Variants in NDUFAF4 observed in about 807,000 individuals in gnomAD.
The protein encoded by NDUFAF4 is NADH dehydrogenase [ubiquinone] 1 alpha subcomplex assembly factor 4.
NDUFAF4 carries 10 observed loss-of-function variants against 15.6 expected under a neutral mutation model. That is an observed-to-expected ratio of 0.64 (90% confidence interval 0.40 to 1.09). The LOEUF (loss-of-function observed/expected upper bound fraction) is 1.09, where lower values mean the gene tolerates loss of function less well. Among genes scored for constraint, NDUFAF4 ranks in the 50% least tolerant of loss-of-function variants. The pLI, the probability that NDUFAF4 is intolerant of heterozygous loss-of-function variation, is 0.01. For missense variants in NDUFAF4, 203 were observed against 207.3 expected, an observed-to-expected ratio of 0.98 and a Z score of 0.13; for synonymous variants, 77 against 73.3, an observed-to-expected ratio of 1.05 and a Z score of -0.26.
At position 96,889,565 on chromosome 6, in the gene NDUFAF4, T is replaced by C. The variant is rs1775286930; in HGVS notation, c.*1539A>G. On this transcript the variant is annotated 3_prime_UTR_variant, in exon 3 of 3. Coordinates refer to ENST00000316149, the MANE Select transcript of NDUFAF4 (RefSeq NM_014165.4). ...ATTGAACTAAAAATAAACTAGGTAG[T>C]TTGTTCACATAACAAATCTACATTC... 6.6e-6 allele frequency: 1 copy of C among 152,532 alleles called. No homozygotes were observed. Among genetic ancestry groups the C allele is most frequent in the South Asian group, 2.1e-4 (1 of 4,826 alleles). The allele number at this position is 152,532 out of a possible 1,614,324, so 9.4% of individuals were successfully genotyped here.
intron 1 of NDUFAF4, 165 bp from the exon 2 acceptor site, chr6:96,897,012 C>G: frequency 1.7e-6 from 1 of 585,718 alleles, no homozygotes; most frequent in South Asian, 1.8e-5. Flanking sequence ...CTGCAACCTC[C>G]GCCTCCCGGG....
In NDUFAF4 at chr6:96,890,127, T is replaced by C. The variant is rs1398267325; in HGVS notation, c.*977A>G. The C allele has an allele frequency of 6.6e-6, 1 of 152,130 alleles. No individual in the cohort carries two copies. Among genetic ancestry groups the C allele is most frequent in the Non-Finnish European group, 1.5e-5 (1 of 68,006 alleles). The allele number at this position is 152,130 out of a possible 1,614,324, so 9.4% of individuals were successfully genotyped here. On this transcript the variant is annotated 3_prime_UTR_variant, in exon 3 of 3. Transcript: ENST00000316149. Reference sequence around the variant, plus strand: ...ACACACTCACTCAAGATCCTAGTACTGGTACATGCTATGCTAATTAAATTT... The same window carrying C: ...ACACACTCACTCAAGATCCTAGTACCGGTACATGCTATGCTAATTAAATTT...
At position 96,890,609 on chromosome 6, in the gene NDUFAF4, G is replaced by A. The variant is rs1258061648; in HGVS notation, c.*495C>T. 6.5e-6 allele frequency: 1 copy of A among 153,840 alleles called. No individual in the cohort carries two copies. The highest frequency in any genetic ancestry group is 1.4e-5 in the Non-Finnish European group (1 of 69,280). 9.5% of individuals were successfully genotyped at this position (153,840 alleles called of 1,614,324 possible). On this transcript the variant is annotated 3_prime_UTR_variant, in exon 3 of 3. Coordinates refer to ENST00000316149, the MANE Select transcript of NDUFAF4 (RefSeq NM_014165.4). ...AGATTCTATTGATTCATTTTCTCCT[G>A]TGTGCCTTTATTTGGGAACTACTGT...
rs770355483 is a variant in NDUFAF4 at position 96,891,410 on chromosome 6, G to A, written c.241-19C>T. ...CTTTTACCTAGTATCAAAAAAAAAA[G>A]GTTTTAGGATGAGAGAAAAGATTTG... On this transcript the variant is annotated intron_variant, in intron 2 of 2. Coordinates refer to ENST00000316149, the MANE Select transcript of NDUFAF4 (RefSeq NM_014165.4). 4.8e-6 allele frequency: 6 copies of A among 1,254,550 alleles called. No homozygotes were observed. In the South Asian group the frequency reaches 6.3e-5, roughly 13 times the overall value. The allele number at this position is 1,254,550 out of a possible 1,614,324, so 77.7% of individuals were successfully genotyped here.
At chr6:96,893,092 C>T (rs1030861606) in intron 2 of NDUFAF4, among the ~76,000 whole-genome samples, 5 of 152,054 alleles carry the variant, frequency 3.3e-5, no homozygotes, top group African/African-American at 1.2e-4. Context: ...ATTATACTTG[C>T]ACCTCCCTCT....
intron 2 of NDUFAF4, among the ~76,000 whole-genome samples, chr6:96,893,285 T>C (rs774652214): frequency 3.0e-4 from 46 of 152,256 alleles, no homozygotes; most frequent in Non-Finnish European, 6.3e-4. Flanking sequence ...TGCACTTTGT[T>C]CCCCCGCCAG....
chr6:96,894,842 A>T (rs917750816), intron 2 of NDUFAF4, among the ~76,000 whole-genome samples: 2 of 152,270 alleles, frequency 1.3e-5, no homozygotes, highest in Non-Finnish European at 2.9e-5. Context: ...AATAGGACTT[A>T]TTAAAGAACC....
In NDUFAF4 at chr6:96,891,314, A is replaced by T; in HGVS notation, c.318T>A (p.Ile106=). The T allele has an allele frequency of 6.2e-7, 1 of 1,613,746 alleles. No homozygotes were observed. The highest frequency in any genetic ancestry group is 1.3e-5 in the African/African-American group (1 of 75,018). ...AAATTTTGCCTTTGGGAATGCTCTTAATATTTATCATATCAAAATGATGGT... is the reference window on the plus strand; with the variant it reads ...AAATTTTGCCTTTGGGAATGCTCTTTATATTTATCATATCAAAATGATGGT... The part of the protein sequence containing the change: ...PKDHHFDMIN[I]KSIPKGKISI... Residue 106 remains isoleucine, a synonymous_variant, in exon 3 of 3, where the codon ATT becomes ATA. Coordinates refer to ENST00000316149, the MANE Select transcript of NDUFAF4 (RefSeq NM_014165.4).
At chr6:96,897,159 A>G (rs1463495304) in intron 1 of NDUFAF4, among the ~76,000 whole-genome samples, 1 of 152,156 alleles carries the variant, frequency 6.6e-6, no homozygotes, top group Non-Finnish European at 1.5e-5. Context: ...TCCTGACCTC[A>G]GGTGATCTGC....
chr6:96,895,613 T>C (rs1775361831), intron 2 of NDUFAF4, among the ~76,000 whole-genome samples: 1 of 152,144 alleles, frequency 6.6e-6, no homozygotes, highest in South Asian at 2.1e-4. Flanking sequence ...AAGAGTGAAT[T>C]TTCAGATGCA....
At chr6:96,891,619 TGATAG>T (rs1167283543) in intron 2 of NDUFAF4, among the ~76,000 whole-genome samples, 1 of 152,000 alleles carries the variant, frequency 6.6e-6, no homozygotes, top group East Asian at 1.9e-4. Flanking sequence ...GCTATTCTCG[TGATAG>T]AGTTCTCACC....
At chr6:96,894,277 A>T (rs184833048) in intron 2 of NDUFAF4, among the ~76,000 whole-genome samples, 1 of 152,274 alleles carries the variant, frequency 6.6e-6, no homozygotes, top group East Asian at 1.9e-4. Flanking sequence ...CCTGCCTGTT[A>T]GTCACTTAGT....
chr6:96,892,063 C>A (rs1775323315), intron 2 of NDUFAF4, among the ~76,000 whole-genome samples: 1 of 152,040 alleles, frequency 6.6e-6, no homozygotes, highest in African/African-American at 2.4e-5. Context: ...TTTAAAAGAA[C>A]AATGAAAATA....
At chr6:96,892,144 ATCTAT>A (rs1242993358) in intron 2 of NDUFAF4, among the ~76,000 whole-genome samples, 9 of 152,172 alleles carry the variant, frequency 5.9e-5, no homozygotes, top group African/African-American at 1.9e-4. Flanking sequence ...GCTTGATAAC[ATCTAT>A]TCTGTTTCCC....
chr6:96,894,495 T>C (rs1775348391), intron 2 of NDUFAF4, among the ~76,000 whole-genome samples: 1 of 152,210 alleles, frequency 6.6e-6, no homozygotes, highest in Non-Finnish European at 1.5e-5. Flanking sequence ...AGTGCTAACA[T>C]GGATAATAAG....
At chr6:96,892,869 T>G (rs947534766) in intron 2 of NDUFAF4, among the ~76,000 whole-genome samples, 6 of 152,130 alleles carry the variant, frequency 3.9e-5, no homozygotes, top group Admixed American at 3.9e-4. Context: ...TAACTTCCAT[T>G]ACTGCCTACA....
chr6:96,896,759 AG>A lies in NDUFAF4; in HGVS notation c.224del (p.Pro75LeufsTer7). 1.2e-6 allele frequency: 2 copies of A among 1,611,670 alleles called. No individual in the cohort carries two copies. Among genetic ancestry groups the A allele is most frequent in the Admixed American group, 3.3e-5 (2 of 60,022 alleles). ...LKDVYVDSKDPVSSLQVKAAE... is the reference protein window; with the variant it reads ...LKDVYVDSKDXVSSLQVKAAE... ...ACACATTTACCTGCAAGGAAGACAC[AG>A]GATCTTTGGAATCAACATACACATC... is the stretch of plus-strand genomic sequence containing the variant. On this transcript the variant is annotated frameshift_variant, in exon 2 of 3. Transcript: ENST00000316149. LOFTEE classifies it high-confidence loss of function.
Position 96,891,367 on chromosome 6 carries a change from C to G in NDUFAF4, c.265G>C (p.Glu89Gln). ...TTCGGCAATCTGAATTCCTTCGGCT[C>G]TTGACATGTTTCAGCAGCTTTTACC... ...LQVKAAETCQ[E>Q]PKEFRLPKDH... Residue 89 changes from glutamate (E) to glutamine (Q), a missense_variant, in exon 3 of 3, where the codon GAG becomes CAG. Coordinates refer to ENST00000316149, the MANE Select transcript of NDUFAF4 (RefSeq NM_014165.4). The G allele has an allele frequency of 6.2e-7, 1 of 1,610,552 alleles. No individual in the cohort carries two copies. The highest frequency in any genetic ancestry group is 8.5e-7 in the Non-Finnish European group (1 of 1,179,340).
Position 96,892,231 on chromosome 6 carries a change from C to T in NDUFAF4, c.241-840G>A, listed in dbSNP as rs572768762. Among the ~76,000 whole-genome samples the T allele has an allele frequency of 5.3e-5, 8 of 152,150 alleles. No individual in the cohort carries two copies. In the South Asian group the frequency reaches 1.5e-3, roughly 28 times the overall value. Reference sequence around the variant, plus strand: ...GAAATATTGCTAGTGATCTTTCTCCCGAGAAAATAAACTAACGCCTCCAAT... The same window carrying T: ...GAAATATTGCTAGTGATCTTTCTCCTGAGAAAATAAACTAACGCCTCCAAT... On this transcript the variant is annotated intron_variant, in intron 2 of 2. Coordinates refer to ENST00000316149, the MANE Select transcript of NDUFAF4 (RefSeq NM_014165.4).
Sources: allele counts gnomAD v4.1 joint callset (sites outside exome capture counted in the v4.1 genomes callset), GRCh38; gene constraint gnomAD v4.1.1; transcripts MANE v1.5; gene names NCBI Gene and HGNC (gene_info 2026-07-23, HGNC 2026-07-21).